Variants in ARRB1 observed in about 807,000 individuals in gnomAD.
ARRB1 encodes arrestin beta 1, also known as beta-arrestin-1.
In ARRB1, 21 loss-of-function variants were observed where a neutral mutation model predicts 56.8. The ratio of observed to expected loss-of-function variants is 0.37; its 90% confidence interval spans 0.26 to 0.53. The LOEUF is 0.53. ARRB1 is among the 20% of genes least tolerant of loss of function. The pLI is 0.88. For synonymous variants in ARRB1, 210 were observed against 218.6 expected, an observed-to-expected ratio of 0.96 and a Z score of 0.35; for missense variants, 424 against 553.7, an observed-to-expected ratio of 0.77 and a Z score of 2.35.
intron 1 of ARRB1, among the ~76,000 whole-genome samples, chr11:75,344,529 C>T (rs936448500): frequency 1.3e-5 from 2 of 152,176 alleles, no homozygotes; most frequent in African/African-American, 4.8e-5. Context: ...CAAAACCTGT[C>T]CATGCCCTTT....
intron 3 of ARRB1, among the ~76,000 whole-genome samples, chr11:75,284,721 T>C (rs754147394): frequency 1.3e-5 from 2 of 152,024 alleles, no homozygotes; most frequent in Non-Finnish European, 2.9e-5. Context: ...CTGGCCAACA[T>C]GGTGAAACAT....
rs1459756483 is a variant in ARRB1 at position 75,312,323 on chromosome 11, C to T, written c.21-22284G>A. On this transcript the variant is annotated intron_variant, in intron 1 of 15. Transcript: ENST00000420843. ...TCTGCCACTTCCTAGGACCCCTGAC[C>T]GCCGAAGGGACAGTCTGCCTGTGTG... 2.6e-5 allele frequency among the ~76,000 whole-genome samples: 4 copies of T among 152,284 alleles called. No homozygotes were observed. The South Asian group carries it at 8.3e-4, about 32-fold the overall frequency.
In ARRB1 at chr11:75,283,128, T is replaced by TA. The variant is rs1946386706; in HGVS notation, c.354+158dup. On this transcript the variant is annotated intron_variant, in intron 5 of 15. Coordinates refer to ENST00000420843, the MANE Select transcript of ARRB1 (RefSeq NM_004041.5). ...CAGCAGGGGCTGGAGAAGAGACACT[T>TA]ACCAGGTAACACAGGTGACAGTGCC... is the stretch of plus-strand genomic sequence containing the variant. 2.6e-5 allele frequency among the ~76,000 whole-genome samples: 4 copies of TA among 152,266 alleles called. No individual in the cohort carries two copies. In the South Asian group the frequency reaches 6.2e-4, roughly 24 times the overall value.
intron 1 of ARRB1, among the ~76,000 whole-genome samples, chr11:75,328,902 A>T (rs1947478745): frequency 6.6e-6 from 1 of 152,184 alleles, no homozygotes; most frequent in African/African-American, 2.4e-5. Flanking sequence ...AGATCTGCAC[A>T]GCAAAACCAT....
chr11:75,297,698 C>T (rs150006637), intron 1 of ARRB1, among the ~76,000 whole-genome samples: 1 of 151,532 alleles, frequency 6.6e-6, no homozygotes, highest in Non-Finnish European at 1.5e-5. Flanking sequence ...AACCCTGCCT[C>T]TACTAAAAAT....
intron 5 of ARRB1, among the ~76,000 whole-genome samples, chr11:75,282,555 G>A (rs1381691106): frequency 2.0e-5 from 3 of 152,216 alleles, no homozygotes; most frequent in Non-Finnish European, 4.4e-5. Flanking sequence ...AAGCAATGCT[G>A]GAAAAGGTGG....
At chr11:75,272,857 C>T in intron 12 of ARRB1, 38 bp downstream of exon 12, 2 of 1,610,494 alleles carry the variant, frequency 1.2e-6, no homozygotes, top group Non-Finnish European at 1.7e-6. Context: ...ACGCTCCCCT[C>T]TGCACTCCGG....
chr11:75,278,432 C>T (rs993838473), intron 8 of ARRB1, among the ~76,000 whole-genome samples, 177 bp downstream of exon 8: 4 of 152,206 alleles, frequency 2.6e-5, no homozygotes, highest in African/African-American at 9.7e-5. Flanking sequence ...CCTTTAGGCC[C>T]AAGAGGCTTC....
At chr11:75,294,376 G>T (rs1332899720) in intron 1 of ARRB1, among the ~76,000 whole-genome samples, 2 of 151,984 alleles carry the variant, frequency 1.3e-5, no homozygotes, top group African/African-American at 4.8e-5. Context: ...GGTCAACATG[G>T]TGAAACCCAG....
intron 1 of ARRB1, among the ~76,000 whole-genome samples, chr11:75,319,949 C>T (rs184381391): frequency 2.6e-5 from 4 of 152,288 alleles, no homozygotes; most frequent in South Asian, 2.1e-4. Flanking sequence ...CAAACAAATA[C>T]GAAGCATGCT....
At chr11:75,271,244 G>GT (rs2140401969) in intron 13 of ARRB1, 1 of 154,852 alleles carries the variant, frequency 6.5e-6, no homozygotes, top group African/African-American at 2.4e-5. Context: ...TGTGTTTGGG[G>GT]TACATGCATT....
chr11:75,291,864 A>G lies in ARRB1; in HGVS notation c.21-1825T>C, dbSNP rs557444081. On this transcript the variant is annotated intron_variant, in intron 1 of 15. Coordinates refer to ENST00000420843, the MANE Select transcript of ARRB1 (RefSeq NM_004041.5). ...GCTTCCTGCCACCCAGTCCTCCCCC[A>G]GGAGCACAGGGTCCAGTAGGCACCA... 5.8e-3 allele frequency among the ~76,000 whole-genome samples: 891 copies of G among 152,316 alleles called. 8 individuals are homozygous for G. Among genetic ancestry groups the G allele is most frequent in the Middle Eastern group, 0.01 (3 of 294 alleles).
At chr11:75,327,301 C>CAAAAAA (rs777940901) in intron 1 of ARRB1, among the ~76,000 whole-genome samples, 4 of 60,238 alleles carry the variant, frequency 6.6e-5, no homozygotes, top group African/African-American at 1.3e-4. Flanking sequence ...AACTCCATCT[C>CAAAAAA]AAAAAAAAAA....
In ARRB1 at chr11:75,319,248, G is replaced by A. The variant is rs767606242; in HGVS notation, c.21-29209C>T. 7.6e-4 allele frequency among the ~76,000 whole-genome samples: 115 copies of A among 152,160 alleles called. 1 individual carries two copies. Among genetic ancestry groups the A allele is most frequent in the South Asian group, 1.7e-3 (8 of 4,828 alleles). On this transcript the variant is annotated intron_variant, in intron 1 of 15. Transcript: ENST00000420843. ...AAGGATTAGCACAGCCTCAAGCCCT[G>A]GGGAGCCCTGGCAAGCCCCCAGGAT...
At chr11:75,336,774 T>G (rs1565146089) in intron 1 of ARRB1, among the ~76,000 whole-genome samples, 4 of 152,114 alleles carry the variant, frequency 2.6e-5, no homozygotes. Flanking sequence ...GAGAAACCAC[T>G]GTCAAAGGCA....
chr11:75,283,650 C>A (rs634287), intron 4 of ARRB1, among the ~76,000 whole-genome samples, 167 bp from the exon 5 acceptor site: 81,703 of 152,084 alleles, frequency 0.54, 22,599 homozygotes, highest in Non-Finnish European at 0.61. Flanking sequence ...TAGTGAGTAC[C>A]GGAAGGATGC....
chr11:75,317,252 A>T (rs191489452), intron 1 of ARRB1, among the ~76,000 whole-genome samples: 36 of 152,182 alleles, frequency 2.4e-4, no homozygotes, highest in Middle Eastern at 6.8e-3. Context: ...AAGGAAAGGA[A>T]CCCAGATCAG....
intron 1 of ARRB1, among the ~76,000 whole-genome samples, chr11:75,297,268 G>GAA (rs61232550): frequency 1.4e-5 from 2 of 139,100 alleles, no homozygotes; most frequent in Non-Finnish European, 1.6e-5. Context: ...AAACTATCTT[G>GAA]AAAAAAAAAA....
intron 10 of ARRB1, among the ~76,000 whole-genome samples, chr11:75,275,157 A>ATTTTATTTTATTTTAT: frequency 6.6e-6 from 1 of 150,738 alleles, no homozygotes; most frequent in South Asian, 2.1e-4. Flanking sequence ...ATTTTATTTT[A>ATTTTATTTTATTTTAT]TTTTTTTGAG....
Sources: gnomAD v4.1 joint callset for allele counts (sites outside exome capture counted in the v4.1 genomes callset) on GRCh38, gnomAD v4.1.1 for gene constraint, MANE v1.5 for transcripts, NCBI Gene and HGNC (gene_info 2026-07-23, HGNC 2026-07-21) for gene names.